PARD3B: variants seen among roughly 807,000 people sequenced by gnomAD.
The protein encoded by PARD3B is partitioning defective 3 homolog B.
PARD3B carries 103 observed loss-of-function variants against 130.2 expected under a neutral mutation model. The observed-to-expected ratio is 0.79, with a 90% CI of 0.67 to 0.93. The LOEUF (loss-of-function observed/expected upper bound fraction) is 0.93. PARD3B is among the 40% of genes least tolerant of loss of function. The pLI is 0.00. For synonymous variants in PARD3B, 583 were observed against 553.2 expected (o/e 1.05, Z -0.76); for missense variants, 1,609 against 1,499.2 (o/e 1.07, Z -1.21).
chr2:204,782,989 T>G (rs1179782212), intron 2 of PARD3B, among the ~76,000 whole-genome samples: 2 of 152,108 alleles, frequency 1.3e-5, no homozygotes, highest in African/African-American at 4.8e-5. Context: ...GCTTATTCCT[T>G]GAAAATTTCT....
chr2:205,335,338 C>CA (rs1279738822), intron 18 of PARD3B, among the ~76,000 whole-genome samples: 2 of 152,148 alleles, frequency 1.3e-5, no homozygotes, highest in African/African-American at 4.8e-5. Flanking sequence ...TAAGGCTTAC[C>CA]ATCATGCTTT....
At chr2:204,686,435 T>C in intron 2 of PARD3B, among the ~76,000 whole-genome samples, 153 bp downstream of exon 2, 1 of 152,304 alleles carries the variant, frequency 6.6e-6, no homozygotes, top group South Asian at 2.1e-4. Flanking sequence ...TCAAAGTTCT[T>C]CATCAGATGT....
At chr2:205,406,960 C>T (rs2046435743) in intron 19 of PARD3B, among the ~76,000 whole-genome samples, 2 of 152,286 alleles carry the variant, frequency 1.3e-5, no homozygotes, top group Non-Finnish European at 2.9e-5. Flanking sequence ...TAAGCCACTG[C>T]ACCTGGCCTT....
chr2:205,137,004 A>C (rs745743064), intron 10 of PARD3B, among the ~76,000 whole-genome samples: 85 of 152,320 alleles, frequency 5.6e-4, no homozygotes, highest in Non-Finnish European at 8.8e-4. Flanking sequence ...GTACTAAAAC[A>C]TGATTCTTTA....
rs1288451335 is a variant in PARD3B at position 204,907,632 on chromosome 2, A to G, written c.223-57520A>G. Reference sequence around the variant, plus strand: ...TTTGGTCATAAAATTGTGTCTCTTTATAGATATTATAAGACTTTCTTGACA... The same window carrying G: ...TTTGGTCATAAAATTGTGTCTCTTTGTAGATATTATAAGACTTTCTTGACA... On this transcript the variant is annotated intron_variant, in intron 2 of 22. Coordinates refer to ENST00000406610, the MANE Select transcript of PARD3B (RefSeq NM_001302769.2). The surrounding 1 kb of genome is among the most constrained non-coding windows in gnomAD (Gnocchi z 5.7). Among the ~76,000 whole-genome samples the G allele has an allele frequency of 3.3e-5, 5 of 152,118 alleles. No individual in the cohort carries two copies. The highest frequency in any genetic ancestry group is 7.4e-5 in the Non-Finnish European group (5 of 68,010).
chr2:205,422,718 A>G (rs1428543052), intron 19 of PARD3B, among the ~76,000 whole-genome samples: 1 of 152,198 alleles, frequency 6.6e-6, no homozygotes, highest in Non-Finnish European at 1.5e-5. Context: ...CTTTTCAAAC[A>G]TGAAGAGATT....
At chr2:205,039,178 T>C (rs1357847849) in intron 3 of PARD3B, among the ~76,000 whole-genome samples, 1 of 152,116 alleles carries the variant, frequency 6.6e-6, no homozygotes, top group African/African-American at 2.4e-5. Context: ...AGAGAAAATG[T>C]AGTTGCCTCC....
intron 4 of PARD3B, among the ~76,000 whole-genome samples, chr2:205,087,522 A>G (rs1217683972): frequency 1.3e-5 from 2 of 151,968 alleles, no homozygotes; most frequent in African/African-American, 4.8e-5. Context: ...TGTCTTCAAT[A>G]TTATGGACAA....
chr2:204,762,443 A>T (rs1013745342), intron 2 of PARD3B, among the ~76,000 whole-genome samples: 3 of 152,144 alleles, frequency 2.0e-5, no homozygotes, highest in Admixed American at 6.5e-5. Context: ...AAGATTTTCT[A>T]AAGCTAGATC....
intron 2 of PARD3B, among the ~76,000 whole-genome samples, chr2:204,929,946 G>C (rs1687902427): frequency 6.6e-6 from 1 of 151,782 alleles, no homozygotes; most frequent in Non-Finnish European, 1.5e-5. Context: ...TGAAAATCTG[G>C]GTGTATTTTT....
intron 2 of PARD3B, among the ~76,000 whole-genome samples, chr2:204,944,318 G>A (rs6435262): frequency 0.21 from 32,498 of 152,146 alleles, 3,766 homozygotes; most frequent in African/African-American, 0.26. Flanking sequence ...GTAGAGGGTA[G>A]GAGATGACTC....
intron 2 of PARD3B, among the ~76,000 whole-genome samples, chr2:204,752,934 A>T (rs6737704): frequency 0.35 from 53,416 of 152,086 alleles, 11,725 homozygotes; most frequent in African/African-American, 0.63. Flanking sequence ...GACTATTACA[A>T]TTTGTGACAC....
rs575256622 is a variant in PARD3B, at chr2:204,576,742, G to T, written c.120+30623G>T. Among the ~76,000 whole-genome samples, 5 of 152,284 alleles carry T rather than the reference G, an allele frequency of 3.3e-5. No homozygotes were observed. In the East Asian group the frequency reaches 9.7e-4, roughly 29 times the overall value. Reference sequence around the variant, plus strand: ...CTCCCACACATTTGGTTTCCCAGGGGTGGTGGCGAGTGTTTGAGTCATCTA... The same window carrying T: ...CTCCCACACATTTGGTTTCCCAGGGTTGGTGGCGAGTGTTTGAGTCATCTA... On this transcript the variant is annotated intron_variant, in intron 1 of 22. Coordinates refer to ENST00000406610, the MANE Select transcript of PARD3B (RefSeq NM_001302769.2).
At position 205,558,658 on chromosome 2, in the gene PARD3B, C is replaced by T. The variant is rs986732417; in HGVS notation, c.3260+5255C>T. On this transcript the variant is annotated intron_variant, in intron 22 of 22. Coordinates refer to ENST00000406610, the MANE Select transcript of PARD3B (RefSeq NM_001302769.2). The surrounding 1 kb of genome is among the most constrained non-coding windows in gnomAD (Gnocchi z 4.8). ...AGACTCTGCTTCCCGCCTTTTGCTC[C>T]ACATGGATTCTCTCTGTGCCGTCTC... is the stretch of plus-strand genomic sequence containing the variant. 1.3e-5 allele frequency among the ~76,000 whole-genome samples: 2 copies of T among 152,182 alleles called. No homozygotes were observed. The highest frequency in any genetic ancestry group is 2.9e-5 in the Non-Finnish European group (2 of 68,030).
chr2:204,718,265 C>T (rs1041415573), intron 2 of PARD3B, among the ~76,000 whole-genome samples: 6 of 151,864 alleles, frequency 4.0e-5, no homozygotes, highest in African/African-American at 1.5e-4. Flanking sequence ...TTTTTTCTTA[C>T]TGCATTAGTC....
At chr2:204,639,347 T>C (rs1008058407) in intron 1 of PARD3B, among the ~76,000 whole-genome samples, 4 of 152,084 alleles carry the variant, frequency 2.6e-5, no homozygotes, top group Non-Finnish European at 5.9e-5. Context: ...AGGATGAAAA[T>C]AACTATTACT....
At chr2:205,085,330 T>G (rs539990161) in intron 4 of PARD3B, among the ~76,000 whole-genome samples, 2 of 152,176 alleles carry the variant, frequency 1.3e-5, no homozygotes, top group East Asian at 3.9e-4. Context: ...GATATGACTC[T>G]TAGCTAAAGG....
chr2:204,771,564 G>A (rs1007978728), intron 2 of PARD3B, among the ~76,000 whole-genome samples: 3 of 152,058 alleles, frequency 2.0e-5, no homozygotes, highest in South Asian at 4.2e-4. Flanking sequence ...CTACCTGTAG[G>A]GTACTATGCT....
chr2:204,946,118 T>G (rs1192885144), intron 2 of PARD3B, among the ~76,000 whole-genome samples: 1 of 152,236 alleles, frequency 6.6e-6, no homozygotes, highest in Non-Finnish European at 1.5e-5. Context: ...CTCCTTCGAC[T>G]ATTTCATCAC....
Sources: gnomAD v4.1 joint callset for allele counts (sites outside exome capture counted in the v4.1 genomes callset) on GRCh38, gnomAD v4.1.1 for gene constraint, Gnocchi (gnomAD v3.1) non-coding constraint, MANE v1.5 for transcripts, NCBI Gene and HGNC (gene_info 2026-07-23, HGNC 2026-07-21) for gene names.